CSMD1: variants seen among roughly 807,000 people sequenced by gnomAD.
The protein encoded by CSMD1 is CUB and Sushi multiple domains 1, also known as CUB and sushi domain-containing protein 1.
In CSMD1, 213 loss-of-function variants were observed where a neutral mutation model predicts 417.5. That is an observed-to-expected ratio of 0.51 (90% CI 0.46 to 0.57). The LOEUF (loss-of-function observed/expected upper bound fraction) is 0.57. CSMD1 is among the 20% of genes least tolerant of loss of function. CSMD1 has a pLI of 0.00. For synonymous variants in CSMD1, 2,862 were observed against 1,736.8 expected, an observed-to-expected ratio of 1.65 and a Z score of -16.11; for missense variants, 6,923 against 4,529.7, an observed-to-expected ratio of 1.53 and a Z score of -15.17.
intron 5 of CSMD1, among the ~76,000 whole-genome samples, chr8:3,902,170 C>G (rs1485225646): frequency 6.6e-6 from 1 of 152,182 alleles, no homozygotes; most frequent in Admixed American, 6.5e-5. Context: ...AACATTGCTA[C>G]TAATAAAATG....
At chr8:4,101,056 T>C (rs1007784119) in intron 3 of CSMD1, among the ~76,000 whole-genome samples, 1 of 152,160 alleles carries the variant, frequency 6.6e-6, no homozygotes, top group African/African-American at 2.4e-5. Context: ...AGGCAGATGA[T>C]GCCAGAGACG....
chr8:3,899,476 T>C (rs1807584366), intron 5 of CSMD1, among the ~76,000 whole-genome samples: 1 of 151,894 alleles, frequency 6.6e-6, no homozygotes, highest in South Asian at 2.1e-4. Context: ...ACCGCAGAGG[T>C]GGGTAGAAAC....
chr8:4,508,088 C>G (rs1413580924), intron 2 of CSMD1, among the ~76,000 whole-genome samples: 1 of 90,698 alleles, frequency 1.1e-5, no homozygotes, highest in East Asian at 3.3e-4. Context: ...AAAAAAAATA[C>G]CAAAAAAAAA....
intron 3 of CSMD1, among the ~76,000 whole-genome samples, chr8:4,211,195 G>C (rs575874033): frequency 6.7e-6 from 1 of 148,810 alleles, no homozygotes; most frequent in South Asian, 2.1e-4. Flanking sequence ...TTCAGGGAAA[G>C]TCATTTGCCT....
intron 12 of CSMD1, among the ~76,000 whole-genome samples, chr8:3,421,041 T>C (rs1404988484): frequency 1.3e-5 from 2 of 152,188 alleles, no homozygotes; most frequent in African/African-American, 2.4e-5. Flanking sequence ...AGTTTTACTG[T>C]GGTGGTGGTC....
chr8:3,471,953 C>T (rs1397525533), intron 11 of CSMD1, among the ~76,000 whole-genome samples: 1 of 152,120 alleles, frequency 6.6e-6, no homozygotes, highest in Non-Finnish European at 1.5e-5. Flanking sequence ...GTTTTCCCTT[C>T]TCCCTTTGGG....
At chr8:3,473,323 G>T (rs1817214714) in intron 11 of CSMD1, among the ~76,000 whole-genome samples, 1 of 152,064 alleles carries the variant, frequency 6.6e-6, no homozygotes, top group Admixed American at 6.6e-5. Context: ...TGGAATTTAA[G>T]CCTGCTATGT....
chr8:4,095,075 G>C (rs1800932907), intron 3 of CSMD1, among the ~76,000 whole-genome samples: 1 of 152,130 alleles, frequency 6.6e-6, no homozygotes, highest in African/African-American at 2.4e-5. Context: ...ACAAGAGCTT[G>C]GATTAATGTA....
At chr8:3,989,328 A>G (rs1814570453) in intron 5 of CSMD1, among the ~76,000 whole-genome samples, 1 of 152,220 alleles carries the variant, frequency 6.6e-6, no homozygotes, top group Non-Finnish European at 1.5e-5. Flanking sequence ...CGAGGTCTGA[A>G]TCAGTCATCT....
At chr8:4,803,131 G>A (rs1050810114) in intron 1 of CSMD1, among the ~76,000 whole-genome samples, 3 of 152,010 alleles carry the variant, frequency 2.0e-5, no homozygotes, top group African/African-American at 7.2e-5. Context: ...TGATTTTTTT[G>A]CCCATACAAT....
intron 5 of CSMD1, among the ~76,000 whole-genome samples, chr8:3,940,893 C>CA (rs755178781): frequency 6.0e-5 from 9 of 150,056 alleles, no homozygotes; most frequent in African/African-American, 2.2e-4. Context: ...CCCTTCTCCC[C>CA]CCGAGATTAT....
intron 3 of CSMD1, among the ~76,000 whole-genome samples, chr8:4,106,761 A>G (rs1801589093): frequency 6.6e-6 from 1 of 152,186 alleles, no homozygotes; most frequent in Admixed American, 6.5e-5. Context: ...CCGCACAGCT[A>G]GTGATCAGCG....
At chr8:4,030,832 T>G (rs1050475178) in intron 4 of CSMD1, among the ~76,000 whole-genome samples, 1 of 152,226 alleles carries the variant, frequency 6.6e-6, no homozygotes, top group African/African-American at 2.4e-5. Context: ...AGACACCTCT[T>G]GAATGCTTTG....
chr8:4,656,884 A>G (rs2130910012), intron 1 of CSMD1, among the ~76,000 whole-genome samples: 1 of 152,202 alleles, frequency 6.6e-6, no homozygotes, highest in South Asian at 2.1e-4. Context: ...GGCCCCCAAC[A>G]TCTTATCTGT....
At chr8:3,630,522 G>A (rs11778669) in intron 7 of CSMD1, among the ~76,000 whole-genome samples, 11,585 of 152,196 alleles carry the variant, frequency 0.076, 683 homozygotes, top group East Asian at 0.28. Context: ...ACAGTTCATC[G>A]TCGCTACTCC....
At chr8:3,896,829 G>A (rs1377991713) in intron 5 of CSMD1, among the ~76,000 whole-genome samples, 1 of 151,836 alleles carries the variant, frequency 6.6e-6, no homozygotes, top group Non-Finnish European at 1.5e-5. Flanking sequence ...CATCAAGTTT[G>A]AACCAAAAAT....
chr8:4,730,128 A>G (rs1809746597), intron 1 of CSMD1, among the ~76,000 whole-genome samples: 1 of 152,156 alleles, frequency 6.6e-6, no homozygotes, highest in South Asian at 2.1e-4. Context: ...AAGCATTGAG[A>G]AGTACTTGGA....
intron 12 of CSMD1, among the ~76,000 whole-genome samples, chr8:3,451,716 T>G (rs1331488972): frequency 6.6e-6 from 1 of 152,176 alleles, no homozygotes; most frequent in Non-Finnish European, 1.5e-5. Flanking sequence ...TTGGTTACGG[T>G]AGCCTTGTAA....
intron 7 of CSMD1, among the ~76,000 whole-genome samples, chr8:3,650,105 CT>C (rs529038740): frequency 1.4e-3 from 217 of 152,130 alleles, no homozygotes; most frequent in African/African-American, 5.0e-3. Flanking sequence ...ATGGTGAAAC[CT>C]TGTCTCTACT....
Sources: gnomAD v4.1 joint callset for allele counts (sites outside exome capture counted in the v4.1 genomes callset) on GRCh38, gnomAD v4.1.1 for gene constraint, MANE v1.5 for transcripts, NCBI Gene and HGNC (gene_info 2026-07-23, HGNC 2026-07-21) for gene names.